AGBL4: variants seen among roughly 807,000 people sequenced by gnomAD.
The protein encoded by AGBL4 is cytosolic carboxypeptidase 6.
AGBL4 carries 58 observed loss-of-function variants against 66.4 expected under a neutral mutation model. The ratio of observed to expected loss-of-function variants is 0.87; its 90% CI spans 0.71 to 1.09. AGBL4 has a LOEUF of 1.09. Among genes scored for constraint, AGBL4 ranks in the 50% least tolerant of loss-of-function variants. The pLI is 0.00. For synonymous variants in AGBL4, 234 were observed against 222.9 expected, an observed-to-expected ratio of 1.05 and a Z score of -0.44; for missense variants, 579 against 631.0, an observed-to-expected ratio of 0.92 and a Z score of 0.88.
chr1:49,197,184 A>G (rs1647302443), intron 4 of AGBL4, among the ~76,000 whole-genome samples: 1 of 152,182 alleles, frequency 6.6e-6, no homozygotes, highest in Non-Finnish European at 1.5e-5. Context: ...ATTCAGTGGC[A>G]AAGAACTCTG....
intron 4 of AGBL4, among the ~76,000 whole-genome samples, chr1:49,165,054 T>A (rs973532755): frequency 1.3e-5 from 2 of 152,118 alleles, no homozygotes; most frequent in African/African-American, 4.8e-5. Context: ...ATGTATAATG[T>A]GTATGCCTGA....
intron 2 of AGBL4, among the ~76,000 whole-genome samples, chr1:49,810,666 T>C (rs1036943693): frequency 1.3e-5 from 2 of 152,062 alleles, no homozygotes; most frequent in South Asian, 2.1e-4. Flanking sequence ...ACTGGGTAAA[T>C]ATAGCAGACT....
intron 1 of AGBL4, among the ~76,000 whole-genome samples, chr1:49,976,938 T>C (rs965007379): frequency 5.9e-5 from 9 of 152,204 alleles, no homozygotes; most frequent in Admixed American, 2.0e-4. Context: ...TGTGATGATA[T>C]CCTTCTGTAA....
intron 3 of AGBL4, among the ~76,000 whole-genome samples, chr1:49,383,441 A>G (rs1644665656): frequency 6.6e-6 from 1 of 152,200 alleles, no homozygotes; most frequent in Non-Finnish European, 1.5e-5. Flanking sequence ...ACTAGCATAA[A>G]GACAGACATT....
intron 4 of AGBL4, among the ~76,000 whole-genome samples, chr1:49,137,844 C>G (rs1176192513): frequency 1.3e-5 from 2 of 152,044 alleles, no homozygotes; most frequent in Non-Finnish European, 2.9e-5. Context: ...TTATGCTACT[C>G]TTGGACAAGC....
intron 4 of AGBL4, among the ~76,000 whole-genome samples, chr1:49,074,189 C>T (rs1329923916): frequency 6.6e-6 from 1 of 152,180 alleles, no homozygotes; most frequent in Non-Finnish European, 1.5e-5. Context: ...GGGCATGGGA[C>T]CTGCTGAGCC....
At chr1:49,727,035 G>C (rs930246934) in intron 2 of AGBL4, among the ~76,000 whole-genome samples, 58 of 152,080 alleles carry the variant, frequency 3.8e-4, no homozygotes, top group Non-Finnish European at 4.6e-4. Flanking sequence ...GATCCTCTTA[G>C]AGAAAAGTAA....
chr1:49,780,592 A>C (rs1393561514), intron 2 of AGBL4, among the ~76,000 whole-genome samples: 5 of 152,142 alleles, frequency 3.3e-5, no homozygotes, highest in African/African-American at 1.2e-4. Context: ...AAATAGCACA[A>C]AAGGGGGAAG....
chr1:49,382,865 C>A (rs145238924), intron 3 of AGBL4, among the ~76,000 whole-genome samples: 29 of 152,226 alleles, frequency 1.9e-4, no homozygotes, highest in Non-Finnish European at 3.8e-4. Context: ...GTGAGTGCAG[C>A]ATGGTGTTAC....
At chr1:49,597,553 T>G (rs745655384) in intron 3 of AGBL4, among the ~76,000 whole-genome samples, 13 of 152,062 alleles carry the variant, frequency 8.5e-5, no homozygotes, top group Non-Finnish European at 5.9e-5. Flanking sequence ...TTGGAATAAG[T>G]CCAATATGAC....
At chr1:49,689,829 C>T (rs937665557) in intron 3 of AGBL4, among the ~76,000 whole-genome samples, 1 of 152,082 alleles carries the variant, frequency 6.6e-6, no homozygotes, top group Non-Finnish European at 1.5e-5. Flanking sequence ...TTATTTTTGG[C>T]TACTGCAAAT....
chr1:49,039,812 C>T, intron 5 of AGBL4, among the ~76,000 whole-genome samples: 1 of 152,136 alleles, frequency 6.6e-6, no homozygotes, highest in East Asian at 1.9e-4. Context: ...AGATGCTCCA[C>T]AGCATATGTC....
rs138497275 is a variant in AGBL4, at chr1:49,170,619, A to C, written c.377+75151T>G. 2.5e-3 allele frequency among the ~76,000 whole-genome samples: 375 copies of C among 148,530 alleles called. 1 individual carries two copies. Among genetic ancestry groups the C allele is most frequent in the African/African-American group, 8.9e-3 (364 of 40,828 alleles). On this transcript the variant is annotated intron_variant, in intron 4 of 13. Coordinates refer to ENST00000371839, the MANE Select transcript of AGBL4 (RefSeq NM_032785.4). ...TAAACATTTATATATTAATGTGTATATATTCATTAATACACTGAATGTCAA... is the reference window on the plus strand; with the variant it reads ...TAAACATTTATATATTAATGTGTATCTATTCATTAATACACTGAATGTCAA...
chr1:49,101,684 G>C (rs1052382877), intron 4 of AGBL4, among the ~76,000 whole-genome samples: 1 of 152,124 alleles, frequency 6.6e-6, no homozygotes, highest in Non-Finnish European at 1.5e-5. Flanking sequence ...TGTGTGTATT[G>C]ATTTGTGTCT....
At chr1:48,715,281 G>A (rs995704797) in intron 6 of AGBL4, among the ~76,000 whole-genome samples, 2 of 152,126 alleles carry the variant, frequency 1.3e-5, no homozygotes, top group African/African-American at 2.4e-5. Flanking sequence ...CCTCCCCTGG[G>A]ACACTCAAGG....
chr1:49,485,942 A>G (rs1277644682), intron 3 of AGBL4, among the ~76,000 whole-genome samples: 2 of 151,992 alleles, frequency 1.3e-5, no homozygotes, highest in African/African-American at 4.8e-5. Context: ...AAGTCATTTC[A>G]TTGTGCATTT....
rs1645308348 is a variant in AGBL4 at position 48,615,756 on chromosome 1, G to T, written c.951+18737C>A. Among the ~76,000 whole-genome samples, 3 of 152,112 alleles carry T rather than the reference G, an allele frequency of 2.0e-5. No individual in the cohort carries two copies. The South Asian group carries it at 6.2e-4, about 32-fold the overall frequency. ...GTTACACCGTTGCTACTCAAAATGG[G>T]GTCTCAGTTTGTTTGTGCTGCTATG... On this transcript the variant is annotated intron_variant, in intron 9 of 13. Coordinates refer to ENST00000371839, the MANE Select transcript of AGBL4 (RefSeq NM_032785.4).
chr1:49,653,588 A>T (rs923355670), intron 3 of AGBL4, among the ~76,000 whole-genome samples: 2 of 151,948 alleles, frequency 1.3e-5, no homozygotes, highest in Non-Finnish European at 2.9e-5. Flanking sequence ...CATTACAGGA[A>T]CTGTTAACTA....
chr1:48,590,142 C>G (rs1569910161), intron 10 of AGBL4, among the ~76,000 whole-genome samples: 1 of 152,052 alleles, frequency 6.6e-6, no homozygotes, highest in Admixed American at 6.5e-5. Context: ...CGGTGGCTCA[C>G]GCCTGTAATC....
Sources: gnomAD v4.1 joint callset for allele counts (sites outside exome capture counted in the v4.1 genomes callset) on GRCh38, gnomAD v4.1.1 for gene constraint, MANE v1.5 for transcripts, NCBI Gene and HGNC (gene_info 2026-07-23, HGNC 2026-07-21) for gene names.